Variants in MAS1 observed in about 807,000 individuals in gnomAD.
MAS1 encodes MAS1 proto-oncogene, G protein-coupled receptor, also known as proto-oncogene Mas.
For synonymous variants in MAS1, 163 were observed against 164.2 expected, an observed-to-expected ratio of 0.99 and a Z score of 0.05; for missense variants, 387 against 409.7, an observed-to-expected ratio of 0.94 and a Z score of 0.48.
rs1782951755 is a variant in MAS1 at position 159,910,369 on chromosome 6, G to A, written c.*2436G>A. ...GGCTGCACACAAGTTTGTTTGACAA[G>A]TGTTAGGAACAAAATTGTGTGGCAG... On this transcript the variant is annotated 3_prime_UTR_variant, in exon 3 of 3. Transcript: ENST00000674077. 1 of 152,248 alleles carries A rather than the reference G, an allele frequency of 6.6e-6. No homozygotes were observed. The highest frequency in any genetic ancestry group is 2.4e-5 in the African/African-American group (1 of 41,458). The allele number at this position is 152,248 out of a possible 1,614,324, so 9.4% of individuals were successfully genotyped here.
Position 159,915,146 on chromosome 6 carries a change from T to A in MAS1, c.*7213T>A, listed in dbSNP as rs562333626. 6.6e-6 allele frequency: 1 copy of A among 152,226 alleles called. No homozygotes were observed. The highest frequency in any genetic ancestry group is 1.5e-5 in the Non-Finnish European group (1 of 68,034). The allele number at this position is 152,226 out of a possible 1,614,324, so 9.4% of individuals were successfully genotyped here. A position where few individuals can be genotyped will look rare whatever the true frequency, so the allele number is the denominator to read the frequency against. ...TCCCAAAATGTCCCCTTCTCCTACA[T>A]TGGCACACGCTTTGGTTTCACATTG... On this transcript the variant is annotated 3_prime_UTR_variant, in exon 3 of 3. Transcript: ENST00000674077.
At chr6:159,902,365 C>T (rs978722000) in intron 2 of MAS1, 1 of 152,148 alleles carries the variant, frequency 6.6e-6, no homozygotes, top group African/African-American at 2.4e-5. Context: ...TCACATGAGG[C>T]TCCTGAGCAT....
intron 2 of MAS1, among the ~76,000 whole-genome samples, chr6:159,905,111 C>A (rs1178117968): frequency 6.6e-6 from 1 of 152,180 alleles, no homozygotes; most frequent in East Asian, 1.9e-4. Flanking sequence ...ATTGTTGTTG[C>A]TGTTATTGTA....
intron 1 of MAS1, among the ~76,000 whole-genome samples, chr6:159,893,658 T>C (rs1782724918): frequency 6.6e-6 from 1 of 152,180 alleles, no homozygotes; most frequent in East Asian, 1.9e-4. Context: ...TATATGTATA[T>C]ATTTTATAAA....
intron 1 of MAS1, among the ~76,000 whole-genome samples, chr6:159,893,794 T>C (rs1373689002): frequency 1.3e-5 from 2 of 152,160 alleles, no homozygotes; most frequent in African/African-American, 2.4e-5. Context: ...ACAGCCTCCA[T>C]GCAATGAGCA....
In MAS1 at chr6:159,907,231, T is replaced by G; in HGVS notation, c.276T>G (p.Ala92=). Residue 92 remains alanine (A), a synonymous_variant, in exon 3 of 3, where the codon GCT becomes GCG. Transcript: ENST00000674077. The part of the protein sequence containing the change: ...FCIFILSIDY[A]LDYELSSGHY... Reference sequence around the variant, plus strand: ...TTTTCATCTTGTCTATCGACTATGCTTTAGATTATGAGCTTTCTTCTGGCC... The same window carrying G: ...TTTTCATCTTGTCTATCGACTATGCGTTAGATTATGAGCTTTCTTCTGGCC... 1 of 1,614,228 alleles carries G rather than the reference T, an allele frequency of 6.2e-7. No homozygotes were observed. The highest frequency in any genetic ancestry group is 8.5e-7 in the Non-Finnish European group (1 of 1,180,022).
intron 2 of MAS1, among the ~76,000 whole-genome samples, chr6:159,905,667 G>A (rs1009413061): frequency 1.3e-5 from 2 of 152,198 alleles, no homozygotes; most frequent in Non-Finnish European, 2.9e-5. Flanking sequence ...AACCATTCAA[G>A]TGCCACGAAA....
intron 2 of MAS1, among the ~76,000 whole-genome samples, chr6:159,904,773 C>T (rs146304469): frequency 1.3e-5 from 2 of 152,340 alleles, no homozygotes; most frequent in African/African-American, 2.4e-5. Flanking sequence ...TGGACCTGGT[C>T]GCCAAAGACC....
intron 1 of MAS1, among the ~76,000 whole-genome samples, chr6:159,895,385 G>T (rs1291320521): frequency 6.6e-6 from 1 of 152,164 alleles, no homozygotes; most frequent in East Asian, 1.9e-4. Context: ...AGCACAGGAT[G>T]GTCTGACTTT....
intron 2 of MAS1, 24 bp from the exon 3 acceptor site, chr6:159,906,896 G>A: frequency 6.7e-7 from 1 of 1,489,072 alleles, no homozygotes; most frequent in Non-Finnish European, 9.0e-7. Flanking sequence ...TTTTGTGTTT[G>A]TTTTGTTCTG....
chr6:159,907,646 A>G lies in MAS1; in HGVS notation c.691A>G (p.Met231Val), dbSNP rs745928534. The G allele has an allele frequency of 1.2e-6, 2 of 1,613,758 alleles. No individual in the cohort carries two copies. The highest frequency in any genetic ancestry group is 1.1e-5 in the South Asian group (1 of 91,064). The change falls in exon 3 of 3, where the codon ATG becomes GTG. Residue 231 changes from methionine to valine, a missense_variant. Transcript: ENST00000674077. ...TTCCTCCAAGCTTTACATAGTCATC[A>G]TGGTCACCATCATTATATTCCTCAT... is the stretch of plus-strand genomic sequence containing the variant. ...SHSSKLYIVIMVTIIIFLIFA... is the reference protein window; with the variant it reads ...SHSSKLYIVIVVTIIIFLIFA...
intron 2 of MAS1, among the ~76,000 whole-genome samples, chr6:159,903,048 A>G (rs867779394): frequency 7.2e-5 from 11 of 151,828 alleles, no homozygotes; most frequent in Middle Eastern, 3.4e-3. Flanking sequence ...CCAAAACTAC[A>G]CTGCCCCAGG....
intron 1 of MAS1, among the ~76,000 whole-genome samples, chr6:159,893,607 G>A (rs1782724388): frequency 1.3e-5 from 2 of 152,180 alleles, no homozygotes; most frequent in Admixed American, 6.5e-5. Context: ...GAATTCACTG[G>A]TGGTGGGTCA....
chr6:159,891,612 A>AT (rs2115104998), intron 1 of MAS1, among the ~76,000 whole-genome samples: 1 of 152,114 alleles, frequency 6.6e-6, no homozygotes, highest in East Asian at 1.9e-4. Flanking sequence ...AGCTGTATTG[A>AT]TTTTTCTTCA....
At chr6:159,898,489 A>ACTCCTCCTC (rs780491597) in intron 1 of MAS1, among the ~76,000 whole-genome samples, 18 of 125,098 alleles carry the variant, frequency 1.4e-4, no homozygotes, top group African/African-American at 3.7e-4. Flanking sequence ...TGATTTCCAG[A>ACTCCTCCTC]CTCCTCCTCC....
At chr6:159,899,616 G>A (rs1379672304) in intron 2 of MAS1, among the ~76,000 whole-genome samples, 1 of 152,176 alleles carries the variant, frequency 6.6e-6, no homozygotes, top group African/African-American at 2.4e-5. Context: ...GTGAGTGCCT[G>A]TAGTCCCAGC....
rs1397701004 is a variant in MAS1 at position 159,909,820 on chromosome 6, T to C, written c.*1887T>C. 2 of 152,160 alleles carry C rather than the reference T, an allele frequency of 1.3e-5. No homozygotes were observed. Among genetic ancestry groups the C allele is most frequent in the Non-Finnish European group, 2.9e-5 (2 of 68,016 alleles). The allele number at this position is 152,160 out of a possible 1,614,324, so 9.4% of individuals were successfully genotyped here. ...TCTACCTAAGGAAAATATGGTGAAC[T>C]AATAGGAAGCCCCTATTTATTGTTT... On this transcript the variant is annotated 3_prime_UTR_variant, in exon 3 of 3. Coordinates refer to ENST00000674077, the MANE Select transcript of MAS1 (RefSeq NM_002377.4).
intron 1 of MAS1, among the ~76,000 whole-genome samples, chr6:159,894,418 C>CAAAAAAAAAAA (rs5881344): frequency 1.3e-5 from 1 of 79,134 alleles, no homozygotes; most frequent in African/African-American, 4.8e-5. Flanking sequence ...GACCCTGTCT[C>CAAAAAAAAAAA]AAAAAAAAAA....
upstream of MAS1, among the ~76,000 whole-genome samples, chr6:159,890,782 T>C (rs1426081492): frequency 6.6e-6 from 1 of 152,246 alleles, no homozygotes; most frequent in Non-Finnish European, 1.5e-5. Context: ...CTCCACGTCA[T>C]CTTTCTCTTT....
Sources: gnomAD v4.1 joint callset for allele counts (sites outside exome capture counted in the v4.1 genomes callset) on GRCh38, gnomAD v4.1.1 for gene constraint, MANE v1.5 for transcripts, NCBI Gene and HGNC (gene_info 2026-07-23, HGNC 2026-07-21) for gene names.